The following OCA2 variants were observed in gnomAD, a reference collection of about 807,000 sequenced individuals.
OCA2 encodes P protein.
OCA2 carries 77 observed loss-of-function variants against 100.2 expected under a neutral mutation model. The observed-to-expected ratio is 0.77, with a 90% confidence interval of 0.64 to 0.93. The LOEUF is 0.93. Among genes scored for constraint, OCA2 ranks in the 40% least tolerant of loss-of-function variants. OCA2 has a pLI of 0.00. For missense variants in OCA2, 1,062 were observed against 1,089.1 expected (o/e 0.98, Z 0.35); for synonymous variants, 432 against 439.2 (o/e 0.98, Z 0.21).
intron 13 of OCA2, among the ~76,000 whole-genome samples, chr15:27,984,359 T>C (rs1027880413): frequency 7.2e-5 from 11 of 152,032 alleles, no homozygotes; most frequent in Admixed American, 1.3e-4. Context: ...CTGGGAAACA[T>C]TGCTCTAAAG....
chr15:27,994,678 A>G (rs1424561616), intron 9 of OCA2, among the ~76,000 whole-genome samples: 3 of 152,250 alleles, frequency 2.0e-5, no homozygotes, highest in Non-Finnish European at 4.4e-5. Flanking sequence ...CGCAAGCAAT[A>G]CATGCTGAGC....
the OCA2 span, among the ~76,000 whole-genome samples, chr15:27,739,440 CTTTTT>C: frequency 4.0e-5 from 4 of 100,060 alleles, no homozygotes; most frequent in Non-Finnish European, 7.3e-5. Flanking sequence ...TAATTTCTTT[CTTTTT>C]TTTTTTTTTT....
rs1043180353 is a variant in OCA2, at chr15:28,003,484, A to G, written c.1044+11292T>C. Among the ~76,000 whole-genome samples, 5 of 152,010 alleles carry G rather than the reference A, an allele frequency of 3.3e-5. No individual in the cohort carries two copies. The East Asian group carries it at 9.7e-4, about 29-fold the overall frequency. ...CGCGCTGCCGCGTTCGTCTCCCACA[A>G]GAAGCCAGGAGATGTTACTCTGTTT... On this transcript the variant is annotated intron_variant, in intron 9 of 23. Transcript: ENST00000354638.
intron 3 of OCA2, among the ~76,000 whole-genome samples, chr15:28,029,608 T>A (rs1424904662): frequency 6.6e-6 from 1 of 152,178 alleles, no homozygotes; most frequent in Non-Finnish European, 1.5e-5. Context: ...TTTAATTAAT[T>A]TAAATTTAAA....
chr15:27,760,542 A>T lies in OCA2; in HGVS notation c.2433-5070T>A, dbSNP rs571387012. On this transcript the variant is annotated intron_variant, in intron 23 of 23. Transcript: ENST00000354638. ...AAACAAAGCTGATTTTTTAAAAAAG[A>T]TCAATAAAATTAACCAGCTTCTAGA... 5.3e-5 allele frequency among the ~76,000 whole-genome samples: 8 copies of T among 152,086 alleles called. No homozygotes were observed. In the South Asian group the frequency reaches 1.0e-3, roughly 20 times the overall value.
intron 23 of OCA2, among the ~76,000 whole-genome samples, chr15:27,810,712 G>A (rs896861375): frequency 3.9e-5 from 6 of 152,076 alleles, no homozygotes; most frequent in African/African-American, 1.2e-4. Context: ...GTGGGCAAAG[G>A]ACATGAATAG....
At chr15:28,080,719 G>A (rs1419691529) in intron 2 of OCA2, among the ~76,000 whole-genome samples, 1 of 152,192 alleles carries the variant, frequency 6.6e-6, no homozygotes, top group Non-Finnish European at 1.5e-5. Context: ...CTGTGGGAAC[G>A]AGGATCCTCA....
At chr15:27,890,401 TATCAAAATAAATC>T (rs2037407513) in intron 19 of OCA2, among the ~76,000 whole-genome samples, 1 of 152,116 alleles carries the variant, frequency 6.6e-6, no homozygotes, top group Non-Finnish European at 1.5e-5. Context: ...AAGAAATCCA[TATCAAAATAAATC>T]ATCAACTTTC....
At chr15:27,779,802 T>C (rs921611351) in intron 23 of OCA2, among the ~76,000 whole-genome samples, 2 of 152,230 alleles carry the variant, frequency 1.3e-5, no homozygotes, top group Non-Finnish European at 2.9e-5. Context: ...ATTGCCACTT[T>C]GTTCACTGTT....
At chr15:27,780,954 G>GACATT (rs1269540416) in intron 23 of OCA2, among the ~76,000 whole-genome samples, 1 of 152,146 alleles carries the variant, frequency 6.6e-6, no homozygotes, top group Non-Finnish European at 1.5e-5. Flanking sequence ...GAATTATTCT[G>GACATT]ACATTATATA....
chr15:28,092,343 G>T (rs2044884039), intron 1 of OCA2, among the ~76,000 whole-genome samples: 1 of 151,820 alleles, frequency 6.6e-6, no homozygotes, highest in African/African-American at 2.4e-5. Context: ...TGAATATACT[G>T]AAAAAAAACA....
intron 2 of OCA2, among the ~76,000 whole-genome samples, chr15:28,044,507 T>C (rs1057262614): frequency 3.9e-5 from 6 of 152,220 alleles, no homozygotes; most frequent in Admixed American, 6.5e-5. Flanking sequence ...CAGTGAATAA[T>C]AGCACATTTC....
intron 19 of OCA2, among the ~76,000 whole-genome samples, chr15:27,904,608 C>A (rs2038097833): frequency 6.6e-6 from 1 of 152,152 alleles, no homozygotes; most frequent in South Asian, 2.1e-4. Flanking sequence ...GATCATGGGG[C>A]TTGGTTAAGT....
At chr15:27,725,085 C>T in the OCA2 span, among the ~76,000 whole-genome samples, 1 of 152,164 alleles carries the variant, frequency 6.6e-6, no homozygotes, top group Non-Finnish European at 1.5e-5. Context: ...AGTCCAAATA[C>T]CAGGCACCAG....
At chr15:27,897,161 G>A (rs1405941828) in intron 19 of OCA2, among the ~76,000 whole-genome samples, 1 of 149,138 alleles carries the variant, frequency 6.7e-6, no homozygotes, top group Non-Finnish European at 1.5e-5. Flanking sequence ...CTACACCCTA[G>A]CCTGGGCGAC....
intron 23 of OCA2, among the ~76,000 whole-genome samples, chr15:27,843,386 G>C (rs1371520563): frequency 6.6e-6 from 1 of 152,144 alleles, no homozygotes; most frequent in Non-Finnish European, 1.5e-5. Flanking sequence ...ACTGACCATA[G>C]GGCAAAGATG....
intron 14 of OCA2, among the ~76,000 whole-genome samples, chr15:27,969,591 T>C (rs144288972): frequency 1.2e-3 from 184 of 152,382 alleles, no homozygotes; most frequent in Non-Finnish European, 2.0e-3. Context: ...TTCTGCTTTG[T>C]ATTGTTTTAT....
At chr15:28,050,265 A>G (rs776480717) in intron 2 of OCA2, among the ~76,000 whole-genome samples, 1 of 152,168 alleles carries the variant, frequency 6.6e-6, no homozygotes, top group African/African-American at 2.4e-5. Flanking sequence ...AGTCTGGGCA[A>G]CAGAGCAAGA....
intron 21 of OCA2, among the ~76,000 whole-genome samples, chr15:27,857,319 C>T (rs928360680): frequency 2.6e-5 from 4 of 152,080 alleles, no homozygotes; most frequent in East Asian, 1.9e-4. Flanking sequence ...CTTGAAGATA[C>T]GACGTTTGAA....
Sources: gnomAD v4.1 joint callset for allele counts (sites outside exome capture counted in the v4.1 genomes callset) on GRCh38, gnomAD v4.1.1 for gene constraint, MANE v1.5 for transcripts, NCBI Gene and HGNC (gene_info 2026-07-23, HGNC 2026-07-21) for gene names.